Variants in SLC44A3 observed in about 807,000 individuals in gnomAD.
The protein encoded by SLC44A3 is solute carrier family 44 member 3.
A neutral mutation model predicts 75.4 loss-of-function variants in SLC44A3; 74 were observed. That is an observed-to-expected ratio of 0.98 (90% CI 0.81 to 1.19). The LOEUF (loss-of-function observed/expected upper bound fraction) is 1.19. Among genes scored for constraint, SLC44A3 ranks in the 50% most tolerant of loss-of-function variants. SLC44A3 has a pLI of 0.00. For missense variants in SLC44A3, 700 were observed against 778.6 expected (o/e 0.90, Z 1.20); for synonymous variants, 310 against 296.9 (o/e 1.04, Z -0.45).
intron 12 of SLC44A3, among the ~76,000 whole-genome samples, chr1:94,874,415 G>A (rs888233260): frequency 2.0e-5 from 3 of 152,226 alleles, no homozygotes; most frequent in Non-Finnish European, 2.9e-5. Flanking sequence ...GGGCCTTAGT[G>A]CTCAGTCCTT....
intron 3 of SLC44A3, chr1:94,826,086 C>T: frequency 2.8e-6 from 1 of 357,832 alleles, no homozygotes; most frequent in South Asian, 2.1e-5. Flanking sequence ...CATACTACAA[C>T]AGGGATGAAC....
Position 94,864,778 on chromosome 1 carries a change from C to T in SLC44A3, c.1274C>T (p.Ser425Leu), listed in dbSNP as rs756007310. Residue 425 changes from serine (S) to leucine (L), a missense_variant, in exon 11 of 15, where the codon TCG becomes TTG. Physicochemically the swap from Ser to Leu is moderately radical, Grantham distance 145 (BLOSUM62 -2). Transcript: ENST00000271227. ...KNDPPDHPILSSLSILFFYHQ... is the reference protein window; with the variant it reads ...KNDPPDHPILLSLSILFFYHQ... ...GATCCTCCTGATCATCCCATCCTTT[C>T]GTCTCTCTCCATTCTCTTCTTCTAC... 57 of 1,613,760 alleles carry T rather than the reference C, an allele frequency of 3.5e-5. No individual in the cohort carries two copies. The Admixed American group carries it at 5.2e-4, about 15-fold the overall frequency.
At chr1:94,827,392 A>T (rs1053847436) in intron 3 of SLC44A3, 115 bp from the exon 4 acceptor site, 2 of 1,306,518 alleles carry the variant, frequency 1.5e-6, no homozygotes, top group East Asian at 4.6e-5. Context: ...CAATTATGAA[A>T]GTGTGCCTGG....
intron 12 of SLC44A3, among the ~76,000 whole-genome samples, chr1:94,877,082 C>T (rs771307250): frequency 2.6e-5 from 4 of 151,420 alleles, no homozygotes; most frequent in African/African-American, 4.8e-5. Context: ...AAACCAGGAC[C>T]CTGGAAGTGG....
intron 12 of SLC44A3, among the ~76,000 whole-genome samples, chr1:94,888,893 C>CTATATATATATA (rs34513886): frequency 2.0e-5 from 3 of 146,904 alleles, no homozygotes; most frequent in African/African-American, 7.6e-5. Context: ...CCACGACTGG[C>CTATATATATATA]TATATATATA....
At chr1:94,894,770 A>G in intron 14 of SLC44A3, 48 bp from the exon 15 acceptor site, 1 of 1,508,564 alleles carries the variant, frequency 6.6e-7, no homozygotes, top group South Asian at 1.2e-5. Flanking sequence ...TACGTTATCA[A>G]CAGTACAGAC....
intron 12 of SLC44A3, among the ~76,000 whole-genome samples, chr1:94,879,682 A>G: frequency 6.6e-6 from 1 of 151,218 alleles, no homozygotes; most frequent in African/African-American, 2.4e-5. Context: ...TACTAAAAAT[A>G]CAAAAAATTA....
chr1:94,824,567 C>T lies in SLC44A3; in HGVS notation c.210C>T (p.Asn70=), dbSNP rs369177498. The T allele has an allele frequency of 1.6e-4, 257 of 1,612,960 alleles. 1 individual carries two copies. Among genetic ancestry groups the T allele is most frequent in the Admixed American group, 2.9e-4 (17 of 59,610 alleles). The change falls in exon 3 of 15, where the codon AAC becomes AAT. Residue 70 remains asparagine, a synonymous_variant. Transcript: ENST00000271227. ...TCTTTGGCTATGACAGCTTTGGCAA[C>T]ATGTGTGGCAAGAAGAACTCCCCCG... ...RLLFGYDSFG[N]MCGKKNSPVE...
chr1:94,820,578 C>G, intron 1 of SLC44A3, 100 bp downstream of exon 1: 2 of 1,430,468 alleles, frequency 1.4e-6, no homozygotes, highest in East Asian at 2.8e-5. Flanking sequence ...CCGCCTTTCC[C>G]GCGCCTCGGG....
At chr1:94,846,549 G>A (rs698961) in intron 9 of SLC44A3, among the ~76,000 whole-genome samples, 36,034 of 152,138 alleles carry the variant, frequency 0.24, 4,645 homozygotes, top group African/African-American at 0.34. Context: ...GCTGAGAAAC[G>A]ATGTGCTTAG....
At chr1:94,826,007 G>A in intron 3 of SLC44A3, 2 of 445,648 alleles carry the variant, frequency 4.5e-6, no homozygotes, top group South Asian at 3.1e-5. Context: ...TCCATCAATG[G>A]TTGAATGGAT....
At chr1:94,824,710 C>G (rs1661073515) in intron 3 of SLC44A3, 75 bp downstream of exon 3, 1 of 1,464,196 alleles carries the variant, frequency 6.8e-7, no homozygotes, top group African/African-American at 1.4e-5. Context: ...CATTTGGAGC[C>G]TGGAAACTTT....
intron 14 of SLC44A3, among the ~76,000 whole-genome samples, chr1:94,893,538 G>A (rs1455308351): frequency 1.3e-5 from 2 of 151,846 alleles, no homozygotes; most frequent in East Asian, 2.0e-4. Context: ...GCACCACCAC[G>A]CCTAATTTTG....
chr1:94,864,741 A>G lies in SLC44A3; in HGVS notation c.1239-2A>G, dbSNP rs201548244. 3.4e-5 allele frequency: 55 copies of G among 1,611,588 alleles called. No individual in the cohort carries two copies. Among genetic ancestry groups the G allele is most frequent in the Non-Finnish European group, 1.4e-5 (17 of 1,179,076 alleles). On this transcript the variant is annotated splice_acceptor_variant, in intron 10 of 14. Transcript: ENST00000271227. LOFTEE classifies it high-confidence loss of function. Reference sequence around the variant, plus strand: ...AAATGCTATCCTTTTCCCTATTTCCAGAAGTAAAAATGATCCTCCTGATCA... The same window carrying G: ...AAATGCTATCCTTTTCCCTATTTCCGGAAGTAAAAATGATCCTCCTGATCA...
At chr1:94,826,963 C>T (rs188524166) in intron 3 of SLC44A3, among the ~76,000 whole-genome samples, 1 of 152,158 alleles carries the variant, frequency 6.6e-6, no homozygotes, top group African/African-American at 2.4e-5. Context: ...ATTCTTGTCC[C>T]CCCTCTGCCC....
chr1:94,854,586 G>A (rs1263825974), intron 9 of SLC44A3, among the ~76,000 whole-genome samples: 2 of 152,230 alleles, frequency 1.3e-5, no homozygotes, highest in Admixed American at 6.5e-5. Flanking sequence ...GGGCAGTCAT[G>A]TGTGCCTAAG....
intron 12 of SLC44A3, among the ~76,000 whole-genome samples, chr1:94,889,958 C>A (rs1372198428): frequency 6.6e-6 from 1 of 152,048 alleles, no homozygotes; most frequent in Non-Finnish European, 1.5e-5. Flanking sequence ...TCAAGCAATT[C>A]TCCTGCCTCA....
At position 94,892,441 on chromosome 1, in the gene SLC44A3, T is replaced by C; in HGVS notation, c.1781T>C (p.Phe594Ser). Residue 594 changes from phenylalanine (F) to serine (S), a missense_variant, in exon 14 of 15, where the codon TTC becomes TCC. Phe to Ser is a radical substitution (Grantham distance 155). Coordinates refer to ENST00000271227, the MANE Select transcript of SLC44A3 (RefSeq NM_001114106.3). Reference sequence around the variant, plus strand: ...TTTGAAACTGTGCTGGATGCACTTTTCCTGTGTTTTGCTGTTGATCTGGAA... The same window carrying C: ...TTTGAAACTGTGCTGGATGCACTTTCCCTGTGTTTTGCTGTTGATCTGGAA... ...SVFETVLDAL[F>S]LCFAVDLETN... is the part of the protein sequence containing the mutation. 6.2e-7 allele frequency: 1 copy of C among 1,614,214 alleles called. No homozygotes were observed. Among genetic ancestry groups the C allele is most frequent in the African/African-American group, 1.3e-5 (1 of 75,056 alleles).
intron 5 of SLC44A3, among the ~76,000 whole-genome samples, chr1:94,831,018 G>A (rs1246420061): frequency 6.6e-6 from 1 of 152,128 alleles, no homozygotes; most frequent in African/African-American, 2.4e-5. Context: ...CCAGCAAATG[G>A]AAAAGCTGGC....
Sources: gnomAD v4.1 joint callset for allele counts (sites outside exome capture counted in the v4.1 genomes callset) on GRCh38, gnomAD v4.1.1 for gene constraint, MANE v1.5 for transcripts, NCBI Gene and HGNC (gene_info 2026-07-23, HGNC 2026-07-21) for gene names.